Variants in HS6ST2 observed in about 807,000 individuals in gnomAD.
HS6ST2 encodes the protein heparan sulfate 6-O-sulfotransferase 2, also known as heparan-sulfate 6-O-sulfotransferase 2.
Under a neutral mutation model 33.0 loss-of-function variants are expected in HS6ST2, and 17 were observed. That is an observed-to-expected ratio of 0.52 (90% confidence interval 0.35 to 0.77). HS6ST2 has a LOEUF of 0.77. Ranked by LOEUF, HS6ST2 falls within the 30% of genes least tolerant of loss-of-function variation. HS6ST2 has a pLI of 0.01. For synonymous variants in HS6ST2, 248 were observed against 237.1 expected, an observed-to-expected ratio of 1.05 and a Z score of -0.42; for missense variants, 519 against 551.7, an observed-to-expected ratio of 0.94 and a Z score of 0.59.
Position 132,823,978 on chromosome X carries a change from A to G in HS6ST2, c.948-115484T>C, listed in dbSNP as rs759551314. Reference sequence around the variant, plus strand: ...GAGTAGTATTCCGTGGGTTATATATACCACATTTTCTTTATCCACTCATTA... The same window carrying G: ...GAGTAGTATTCCGTGGGTTATATATGCCACATTTTCTTTATCCACTCATTA... On this transcript the variant is annotated intron_variant, in intron 2 of 4. Coordinates refer to ENST00000370833, the MANE Select transcript of HS6ST2 (RefSeq NM_001394073.1). 6.4e-5 allele frequency among the ~76,000 whole-genome samples: 7 copies of G among 110,116 alleles called. 1 individual carries two copies. In the South Asian group the frequency reaches 1.9e-3, roughly 31 times the overall value.
rs1396666483 is a variant in HS6ST2, at chrX:132,626,636, T to C, written c.*1587A>G. ...GCAGATTGTACAAGATGTGACTTTA[T>C]GGTCACACTTCTAAGCATGTCCCTT... On this transcript the variant is annotated 3_prime_UTR_variant, in exon 5 of 5. Transcript: ENST00000370833. 1 of 112,429 alleles carries C rather than the reference T, an allele frequency of 8.9e-6. No homozygotes were observed. Among genetic ancestry groups the C allele is most frequent in the Admixed American group, 9.5e-5 (1 of 10,573 alleles). The allele number at this position is 112,429 out of a possible 1,213,427, so 9.3% of individuals were successfully genotyped here.
At chrX:132,680,074 C>T (rs922815832) in intron 3 of HS6ST2, among the ~76,000 whole-genome samples, 14 of 105,642 alleles carry the variant, frequency 1.3e-4, no homozygotes, top group South Asian at 4.4e-4. Flanking sequence ...TACGAGATGA[C>T]GATTAAGAGA....
At chrX:132,655,705 G>T (rs1415833276) in intron 4 of HS6ST2, among the ~76,000 whole-genome samples, 1 of 110,826 alleles carries the variant, frequency 9.0e-6, no homozygotes, top group East Asian at 2.8e-4. Flanking sequence ...TGGGCCTGAT[G>T]ATAACATTAT....
chrX:132,765,562 T>A (rs1327237998), intron 2 of HS6ST2, among the ~76,000 whole-genome samples: 1 of 111,224 alleles, frequency 9.0e-6, no homozygotes, highest in Non-Finnish European at 1.9e-5. Context: ...GCTCAAGTGA[T>A]CCTCCCACCT....
At chrX:132,922,003 TTCTA>T (rs2066655744) in intron 2 of HS6ST2, among the ~76,000 whole-genome samples, 1 of 112,500 alleles carries the variant, frequency 8.9e-6, no homozygotes, top group East Asian at 2.8e-4. Flanking sequence ...GAGCTATCAT[TTCTA>T]TCTATTGCCT....
chrX:132,807,562 C>CTGA (rs1395419521), intron 2 of HS6ST2, among the ~76,000 whole-genome samples: 1 of 111,142 alleles, frequency 9.0e-6, no homozygotes, highest in African/African-American at 3.3e-5. Flanking sequence ...TACTCAATTT[C>CTGA]TGATGCTCTT....
In HS6ST2 at chrX:132,873,678, G is replaced by T. The variant is rs192173219; in HGVS notation, c.947+83130C>A. Reference sequence around the variant, plus strand: ...ATAGACTTAATTTCAAAACACATTTGTTGATTGACAAGGGAGGGAGAGAAT... The same window carrying T: ...ATAGACTTAATTTCAAAACACATTTTTTGATTGACAAGGGAGGGAGAGAAT... On this transcript the variant is annotated intron_variant, in intron 2 of 4. Coordinates refer to ENST00000370833, the MANE Select transcript of HS6ST2 (RefSeq NM_001394073.1). Among the ~76,000 whole-genome samples the T allele has an allele frequency of 1.1e-3, 128 of 111,691 alleles. 1 individual carries two copies. The highest frequency in any genetic ancestry group is 4.1e-3 in the African/African-American group (125 of 30,804).
chrX:132,949,911 C>A (rs1326450991), intron 2 of HS6ST2, among the ~76,000 whole-genome samples: 1 of 110,665 alleles, frequency 9.0e-6, no homozygotes, highest in Non-Finnish European at 1.9e-5. Context: ...CGTACTGGGT[C>A]CATAATTTTC....
intron 2 of HS6ST2, among the ~76,000 whole-genome samples, chrX:132,823,921 G>A (rs1206694384): frequency 9.3e-6 from 1 of 107,423 alleles, no homozygotes; most frequent in Non-Finnish European, 1.9e-5. Flanking sequence ...TGCTGCAAAA[G>A]ACATTATTTC....
At chrX:132,654,734 T>C (rs5977729) in intron 4 of HS6ST2, among the ~76,000 whole-genome samples, 2 of 111,991 alleles carry the variant, frequency 1.8e-5, no homozygotes, top group Non-Finnish European at 3.8e-5. Flanking sequence ...ACTTTGCAGG[T>C]ACTTTACTAC....
chrX:132,888,147 A>T (rs1351304521), intron 2 of HS6ST2, among the ~76,000 whole-genome samples: 1 of 111,578 alleles, frequency 9.0e-6, no homozygotes, highest in African/African-American at 3.3e-5. Context: ...CAGTTGGTAG[A>T]TTTTTTTTAA....
At chrX:132,648,550 A>T (rs1569477270) in intron 4 of HS6ST2, among the ~76,000 whole-genome samples, 1 of 110,486 alleles carries the variant, frequency 9.1e-6, no homozygotes, top group Non-Finnish European at 1.9e-5. Flanking sequence ...AAAAAAAAAA[A>T]AAAAAAGGTT....
chrX:132,648,880 G>A (rs1467947965), intron 4 of HS6ST2, among the ~76,000 whole-genome samples: 1 of 111,968 alleles, frequency 8.9e-6, no homozygotes, highest in African/African-American at 3.2e-5. Context: ...AGCCCTGGGA[G>A]GAGGTTCTCA....
chrX:132,678,616 G>A (rs761695957), intron 3 of HS6ST2, among the ~76,000 whole-genome samples: 1 of 112,466 alleles, frequency 8.9e-6, no homozygotes, highest in African/African-American at 3.2e-5. Context: ...TTGAATGCGT[G>A]TTATTTCTAA....
At chrX:132,750,055 G>A (rs890262479) in intron 2 of HS6ST2, among the ~76,000 whole-genome samples, 2 of 109,976 alleles carry the variant, frequency 1.8e-5, no homozygotes, top group Non-Finnish European at 3.8e-5. Context: ...GGGGTGGGGG[G>A]CCTAGGGAGG....
chrX:132,788,160 A>G (rs1189991642), intron 2 of HS6ST2, among the ~76,000 whole-genome samples: 2 of 111,927 alleles, frequency 1.8e-5, no homozygotes, highest in African/African-American at 6.5e-5. Context: ...GGATTTTTAC[A>G]AATTGAAGAT....
At chrX:132,880,852 C>A (rs1212364100) in intron 2 of HS6ST2, among the ~76,000 whole-genome samples, 6 of 104,776 alleles carry the variant, frequency 5.7e-5, no homozygotes, top group African/African-American at 2.1e-4. Context: ...TGTTCAATTC[C>A]CACCTATGAG....
chrX:132,801,755 T>C (rs1265097020), intron 2 of HS6ST2, among the ~76,000 whole-genome samples: 1 of 112,224 alleles, frequency 8.9e-6, no homozygotes, highest in Non-Finnish European at 1.9e-5. Flanking sequence ...AAGGAAAACA[T>C]TAAATGTGTG....
chrX:132,904,533 T>TTGTG (rs58820779), intron 2 of HS6ST2, among the ~76,000 whole-genome samples: 3,739 of 94,478 alleles, frequency 0.04, 102 homozygotes, highest in African/African-American at 0.084. Flanking sequence ...TTTTTTCTCT[T>TTGTG]TGTGTGTGTG....
Sources: allele counts gnomAD v4.1 joint callset (sites outside exome capture counted in the v4.1 genomes callset), GRCh38; gene constraint gnomAD v4.1.1; transcripts MANE v1.5; gene names NCBI Gene and HGNC (gene_info 2026-07-23, HGNC 2026-07-21).